TLCD3B: variants seen among roughly 807,000 people sequenced by gnomAD.
TLCD3B encodes the protein TLC domain containing 3B.
TLCD3B carries 9 observed loss-of-function variants against 23.0 expected under a neutral mutation model. The ratio of observed to expected loss-of-function variants is 0.39; its 90% confidence interval spans 0.24 to 0.68. The LOEUF (loss-of-function observed/expected upper bound fraction) is 0.68, where lower values mean the gene tolerates loss of function less well. Ranked by LOEUF, TLCD3B falls within the 30% of genes least tolerant of loss-of-function variation. The pLI is 0.44. For missense variants in TLCD3B, 307 were observed against 371.8 expected (o/e 0.83, Z 1.43); for synonymous variants, 161 against 161.0 (o/e 1.00, Z 0.00).
At chr16:30,028,063 G>A (rs1287967062) in intron 2 of TLCD3B, among the ~76,000 whole-genome samples, 1 of 152,216 alleles carries the variant, frequency 6.6e-6, no homozygotes, top group Non-Finnish European at 1.5e-5. Context: ...AGATGAGAGG[G>A]GAGGGGCAGC....
chr16:30,026,678 G>T lies in TLCD3B; in HGVS notation c.375C>A (p.Tyr125Ter). Residue 125 changes from tyrosine to a stop codon, truncating the protein, a stop_gained, in exon 3 of 5, where the codon TAC becomes TAA. Transcript: ENST00000380495. LOFTEE classifies it high-confidence loss of function. ...PGSTWAIARG[Y>*]LHKEFLMVLH... ...GCACCATGAGGAACTCCTTGTGCAGGTAGCCACGCGCTATGGCCCACGTGC... is the reference window on the plus strand; with the variant it reads ...GCACCATGAGGAACTCCTTGTGCAGTTAGCCACGCGCTATGGCCCACGTGC... The T allele has an allele frequency of 6.2e-7, 1 of 1,613,944 alleles. No individual in the cohort carries two copies. The highest frequency in any genetic ancestry group is 8.5e-7 in the Non-Finnish European group (1 of 1,180,020).
intron 2 of TLCD3B, among the ~76,000 whole-genome samples, chr16:30,028,489 G>C (rs1468566508): frequency 6.6e-6 from 1 of 152,138 alleles, no homozygotes; most frequent in Non-Finnish European, 1.5e-5. Context: ...GAAGGGGTGG[G>C]CAGAGGCCAA....
chr16:30,035,230 C>A, upstream of TLCD3B: 1 of 1,135,468 alleles, frequency 8.8e-7, no homozygotes, highest in South Asian at 1.5e-5. Context: ...TCTTTTGACT[C>A]CACATTCCAG....
Position 30,031,032 on chromosome 16 carries a change from A to G in TLCD3B, c.-505T>C. The G allele has an allele frequency of 6.5e-6, 1 of 154,500 alleles. No individual in the cohort carries two copies. Among genetic ancestry groups the G allele is most frequent in the Non-Finnish European group, 1.4e-5 (1 of 69,896 alleles). The allele number at this position is 154,500 out of a possible 1,614,324, so 9.6% of individuals were successfully genotyped here. A position where few individuals can be genotyped will look rare whatever the true frequency, so the allele number is the denominator to read the frequency against. ...GCCGGGCAAGCGGTCAGCGGTCACC[A>G]CCGCTCTCCTGGCTCCACTGCCTCC... On this transcript the variant is annotated 5_prime_UTR_variant, in exon 1 of 5. Coordinates refer to ENST00000380495, the MANE Select transcript of TLCD3B (RefSeq NM_031478.6).
rs761862481 is a variant in TLCD3B, at chr16:30,030,419, C to T, written c.109G>A (p.Val37Ile). ...PQLRWEEADAVIVSARLVSSV... is the reference protein window; with the variant it reads ...PQLRWEEADAIIVSARLVSSV... ...GTGGTTTACCTGGCTGAGACAATGACTGCGTCGGCCTCCTCCCAGCGTAGC... is the reference window on the plus strand; with the variant it reads ...GTGGTTTACCTGGCTGAGACAATGATTGCGTCGGCCTCCTCCCAGCGTAGC... The change falls in exon 1 of 5, where the codon GTC (valine) becomes ATC (isoleucine). Residue 37 changes from valine to isoleucine, a missense_variant. Physicochemically the swap from Val to Ile is conservative, Grantham distance 29. Coordinates refer to ENST00000380495, the MANE Select transcript of TLCD3B (RefSeq NM_031478.6). 2.5e-6 allele frequency: 4 copies of T among 1,589,766 alleles called. No homozygotes were observed. In the Admixed American group the frequency reaches 7.4e-5, roughly 30 times the overall value.
At chr16:30,026,184 G>T (rs893247855) in intron 3 of TLCD3B, among the ~76,000 whole-genome samples, 13 of 151,224 alleles carry the variant, frequency 8.6e-5, no homozygotes, top group Admixed American at 1.3e-4. Flanking sequence ...TCAGTGAGCC[G>T]AGATCACACC....
rs368526917 is a variant in TLCD3B, at chr16:30,029,530, G to T, written c.126-15C>A. 6.2e-7 allele frequency: 1 copy of T among 1,609,010 alleles called. No individual in the cohort carries two copies. Among genetic ancestry groups the T allele is most frequent in the African/African-American group, 1.3e-5 (1 of 74,796 alleles). ...AGGACACCAGCCTGGGGGAGAGAGG[G>T]AGGCGTGCTAGAAAGGCAGAAGGGA... On this transcript the variant is annotated splice_polypyrimidine_tract_variant and intron_variant, in intron 1 of 4. Coordinates refer to ENST00000380495, the MANE Select transcript of TLCD3B (RefSeq NM_031478.6). This position sits in a 1 kb window ranked among gnomAD's most constrained non-coding sequence, Gnocchi z 4.6.
intron 3 of TLCD3B, among the ~76,000 whole-genome samples, chr16:30,039,870 A>G (rs1434193264): frequency 1.3e-5 from 2 of 151,644 alleles, no homozygotes; most frequent in Non-Finnish European, 2.9e-5. Context: ...ATGGTGGCTC[A>G]CGCCTGTGAT....
At position 30,025,536 on chromosome 16, in the gene TLCD3B, T is replaced by A; in HGVS notation, c.541-69A>T. ...GGCCCCCCTTGGCCCTCTCCCTGCC[T>A]CCCTGCGACCCTAGCAGGCAGCTCC... On this transcript the variant is annotated intron_variant, in intron 4 of 4. Coordinates refer to ENST00000380495, the MANE Select transcript of TLCD3B (RefSeq NM_031478.6). This position sits in a 1 kb window ranked among gnomAD's most constrained non-coding sequence, Gnocchi z 4.1. 1 of 1,588,000 alleles carries A rather than the reference T, an allele frequency of 6.3e-7. No homozygotes were observed. Among genetic ancestry groups the A allele is most frequent in the Non-Finnish European group, 8.6e-7 (1 of 1,162,346 alleles).
upstream of TLCD3B, among the ~76,000 whole-genome samples, chr16:30,034,584 C>CAGT (rs60612094): frequency 6.6e-6 from 1 of 151,410 alleles, no homozygotes; most frequent in Admixed American, 6.6e-5. Flanking sequence ...GTCTCAACAA[C>CAGT]GACAAAGAAT....
At chr16:30,051,130 T>C (rs1470174720) in intron 1 of TLCD3B, among the ~76,000 whole-genome samples, 1 of 152,110 alleles carries the variant, frequency 6.6e-6, no homozygotes, top group East Asian at 1.9e-4. Flanking sequence ...GTGCAGTGGC[T>C]CTGGCCTGTA....
intron 1 of TLCD3B, among the ~76,000 whole-genome samples, chr16:30,046,871 T>C (rs758777873): frequency 1.3e-5 from 2 of 152,226 alleles, no homozygotes; most frequent in African/African-American, 2.4e-5. Flanking sequence ...CAGCAGCACC[T>C]CTACCTGGGG....
intron 2 of TLCD3B, chr16:30,046,252 C>G (rs1447564658): frequency 6.6e-6 from 1 of 152,380 alleles, no homozygotes; most frequent in Non-Finnish European, 1.5e-5. Flanking sequence ...AGCCTGTCTC[C>G]CCAGGTGAGT....
chr16:30,048,842 C>A (rs1596782980), intron 1 of TLCD3B, among the ~76,000 whole-genome samples: 1 of 152,104 alleles, frequency 6.6e-6, no homozygotes, highest in African/African-American at 2.4e-5. Flanking sequence ...GCGATCTTGG[C>A]TCACTGCAAC....
At chr16:30,037,029 G>A (rs2071486909) in intron 3 of TLCD3B, among the ~76,000 whole-genome samples, 1 of 151,786 alleles carries the variant, frequency 6.6e-6, no homozygotes, top group Admixed American at 6.6e-5. Flanking sequence ...AGGTTGCAAT[G>A]AGCCGAGATC....
chr16:30,048,167 CCAA>C (rs996994532), intron 1 of TLCD3B, among the ~76,000 whole-genome samples: 4 of 151,476 alleles, frequency 2.6e-5, no homozygotes, highest in South Asian at 2.1e-4. Flanking sequence ...AAAACCACCA[CCAA>C]CAACAACAAA....
At chr16:30,044,168 T>C (rs1275702277) in intron 2 of TLCD3B, among the ~76,000 whole-genome samples, 1 of 150,896 alleles carries the variant, frequency 6.6e-6, no homozygotes, top group African/African-American at 2.4e-5. Context: ...GGCTAATTTT[T>C]GTATTTTTAG....
intron 2 of TLCD3B, among the ~76,000 whole-genome samples, chr16:30,041,606 C>T (rs2071580952): frequency 6.6e-6 from 1 of 151,268 alleles, no homozygotes; most frequent in South Asian, 2.1e-4. Context: ...CCTGTAGTCC[C>T]AGCTACTTGG....
Position 30,030,098 on chromosome 16 carries a change from C to T in TLCD3B, c.125+305G>A, listed in dbSNP as rs1354685457. On this transcript the variant is annotated intron_variant, in intron 1 of 4. Coordinates refer to ENST00000380495, the MANE Select transcript of TLCD3B (RefSeq NM_031478.6). Reference sequence around the variant, plus strand: ...TAGCTGTCTGGCCCTGGCCTCAGTCCCTAATGTCTTATAGGAATGTCTTCG... The same window carrying T: ...TAGCTGTCTGGCCCTGGCCTCAGTCTCTAATGTCTTATAGGAATGTCTTCG... 3.6e-6 allele frequency: 5 copies of T among 1,398,696 alleles called. No homozygotes were observed. In the South Asian group the frequency reaches 6.1e-5, roughly 17 times the overall value. The allele number at this position is 1,398,696 out of a possible 1,614,324, so 86.6% of individuals were successfully genotyped here.
Sources: gnomAD v4.1 joint callset for allele counts (sites outside exome capture counted in the v4.1 genomes callset) on GRCh38, gnomAD v4.1.1 for gene constraint, Gnocchi (gnomAD v3.1) non-coding constraint, MANE v1.5 for transcripts, NCBI Gene and HGNC (gene_info 2026-07-23, HGNC 2026-07-21) for gene names.